Variants in OSMR observed in about 807,000 individuals in gnomAD.
OSMR encodes the protein oncostatin-M-specific receptor subunit beta.
In OSMR, 81 loss-of-function variants were observed where a neutral mutation model predicts 99.9. That is an observed-to-expected ratio of 0.81 (90% CI 0.68 to 0.97). The LOEUF is 0.97. Among genes scored for constraint, OSMR ranks in the 50% least tolerant of loss-of-function variants. The pLI is 0.00. For missense variants in OSMR, 1,099 were observed against 1,153.4 expected, an observed-to-expected ratio of 0.95 and a Z score of 0.68; for synonymous variants, 406 against 410.4, an observed-to-expected ratio of 0.99 and a Z score of 0.13.
chr5:38,860,222 T>G (rs767118227), intron 1 of OSMR, among the ~76,000 whole-genome samples: 4 of 152,238 alleles, frequency 2.6e-5, no homozygotes, highest in Non-Finnish European at 5.9e-5. Flanking sequence ...GTGGCCTTTA[T>G]TATGTTAAGG....
intron 1 of OSMR, 138 bp downstream of exon 1, chr5:38,846,525 A>T (rs983632648): frequency 1.3e-5 from 2 of 152,168 alleles, no homozygotes; most frequent in African/African-American, 2.4e-5. Context: ...GAAAATTCCC[A>T]CTTGAATCCC....
intron 9 of OSMR, among the ~76,000 whole-genome samples, chr5:38,908,290 C>A (rs962388140): frequency 6.6e-6 from 1 of 152,252 alleles, no homozygotes; most frequent in African/African-American, 2.4e-5. Flanking sequence ...CCACCACTGC[C>A]AGTACCAGTG....
At chr5:38,919,287 C>A in intron 11 of OSMR, 1 of 1,495,902 alleles carries the variant, frequency 6.7e-7, no homozygotes, top group Non-Finnish European at 8.9e-7. Flanking sequence ...ACATTTCTGT[C>A]CAGGGGATTC....
intron 15 of OSMR, among the ~76,000 whole-genome samples, chr5:38,928,491 G>A (rs1322819653): frequency 7.2e-5 from 11 of 152,088 alleles, no homozygotes; most frequent in Non-Finnish European, 1.2e-4. Context: ...TTCACATGGC[G>A]GCAGGAGAGA....
At chr5:38,894,504 T>C (rs1744364809) in intron 7 of OSMR, among the ~76,000 whole-genome samples, 1 of 152,014 alleles carries the variant, frequency 6.6e-6, no homozygotes, top group Non-Finnish European at 1.5e-5. Flanking sequence ...TGGAGAAAGA[T>C]CTGTCATAAA....
At chr5:38,861,051 T>C (rs910352305) in intron 1 of OSMR, among the ~76,000 whole-genome samples, 4 of 152,238 alleles carry the variant, frequency 2.6e-5, no homozygotes, top group African/African-American at 4.8e-5. Context: ...TCTCCTGTTA[T>C]TGAATTCTAG....
chr5:38,886,302 A>T, intron 7 of OSMR, 112 bp downstream of exon 7: 3 of 1,584,084 alleles, frequency 1.9e-6, no homozygotes, highest in Non-Finnish European at 1.7e-6. Flanking sequence ...AGCGGAGGTG[A>T]GAGTTAGAAT....
In OSMR at chr5:38,890,458, T is replaced by A. The variant is rs77963390; in HGVS notation, c.991+4268T>A. On this transcript the variant is annotated intron_variant, in intron 7 of 17. Coordinates refer to ENST00000274276, the MANE Select transcript of OSMR (RefSeq NM_003999.3). ...TATCTAGTTCTTTTCTTTTTAGATT[T>A]TCAGTCTTTTAATTAGCTATTATAT... is the stretch of plus-strand genomic sequence containing the variant. Among the ~76,000 whole-genome samples the A allele has an allele frequency of 0.024, 3,679 of 152,322 alleles. 340 individuals carry two copies. The East Asian group carries it at 0.35, about 15-fold the overall frequency.
chr5:38,882,215 TGTAGTGTGAGAGCAGCCATAGATA>T (rs1412084279), intron 4 of OSMR, among the ~76,000 whole-genome samples: 1 of 152,190 alleles, frequency 6.6e-6, no homozygotes, highest in East Asian at 1.9e-4. Flanking sequence ...ACTCTGCTAC[TGTAGTGTGAGAGCAGCCATAGATA>T]GTGTGTAAAC....
chr5:38,921,834 C>T, intron 12 of OSMR, 40 bp downstream of exon 12: 2 of 1,534,196 alleles, frequency 1.3e-6, no homozygotes, highest in South Asian at 1.1e-5. Context: ...GCTATATTCA[C>T]CTTGAAGAAA....
intron 4 of OSMR, among the ~76,000 whole-genome samples, chr5:38,883,279 A>T (rs1357758972): frequency 6.6e-6 from 1 of 152,178 alleles, no homozygotes; most frequent in Non-Finnish European, 1.5e-5. Flanking sequence ...TGTTTTAAAG[A>T]CCCCTCACAC....
chr5:38,883,328 T>C (rs1743447860), intron 4 of OSMR, among the ~76,000 whole-genome samples: 1 of 152,218 alleles, frequency 6.6e-6, no homozygotes, highest in Admixed American at 6.5e-5. Flanking sequence ...GGGAGAGATA[T>C]GATCTCCAGT....
chr5:38,880,770 G>A (rs537595487), intron 3 of OSMR, among the ~76,000 whole-genome samples: 9 of 152,316 alleles, frequency 5.9e-5, no homozygotes, highest in South Asian at 2.1e-4. Flanking sequence ...GTGGGTTGGA[G>A]CCAGATTATA....
intron 15 of OSMR, among the ~76,000 whole-genome samples, chr5:38,931,472 C>A (rs1209219656): frequency 2.0e-5 from 3 of 152,202 alleles, no homozygotes; most frequent in African/African-American, 7.2e-5. Context: ...TGTATGCATG[C>A]ACATTTAAAG....
At chr5:38,942,758 A>C in intron 1 of OSMR, 4 of 1,230,348 alleles carry the variant, frequency 3.3e-6, no homozygotes, top group Non-Finnish European at 4.7e-6. Flanking sequence ...ACCCAGCTAT[A>C]ATCTGTATTT....
intron 11 of OSMR, among the ~76,000 whole-genome samples, chr5:38,919,973 T>G (rs1187801331): frequency 1.3e-5 from 2 of 152,228 alleles, no homozygotes; most frequent in African/African-American, 4.8e-5. Context: ...AGGAGTTGTT[T>G]AGTGTAACCT....
intron 2 of OSMR, among the ~76,000 whole-genome samples, chr5:38,871,174 C>T (rs1277766297): frequency 6.6e-6 from 1 of 152,228 alleles, no homozygotes; most frequent in Non-Finnish European, 1.5e-5. Flanking sequence ...AGGCATCTAA[C>T]TCTAAGCTTT....
At chr5:38,880,532 A>G (rs935920644) in intron 3 of OSMR, among the ~76,000 whole-genome samples, 1 of 152,220 alleles carries the variant, frequency 6.6e-6, no homozygotes, top group Non-Finnish European at 1.5e-5. Flanking sequence ...GGAGGGGCTC[A>G]GAAGGGGTGG....
chr5:38,847,704 C>T (rs1255920268), intron 1 of OSMR, among the ~76,000 whole-genome samples: 2 of 152,192 alleles, frequency 1.3e-5, no homozygotes, highest in Non-Finnish European at 2.9e-5. Context: ...TTGTTCAGTG[C>T]CTCCAGTGGC....
Sources: gnomAD v4.1 joint callset for allele counts (sites outside exome capture counted in the v4.1 genomes callset) on GRCh38, gnomAD v4.1.1 for gene constraint, MANE v1.5 for transcripts, NCBI Gene and HGNC (gene_info 2026-07-23, HGNC 2026-07-21) for gene names.